PBLD: variants seen among roughly 807,000 people sequenced by gnomAD.
The protein encoded by PBLD is phenazine biosynthesis like protein domain containing.
A neutral mutation model predicts 31.3 loss-of-function variants in PBLD; 26 were observed. That is an observed-to-expected ratio of 0.83 (90% CI 0.61 to 1.15). PBLD has a LOEUF of 1.15. Ranked by LOEUF, PBLD falls within the 50% of genes most tolerant of loss-of-function variation. The pLI is 0.00. For synonymous variants in PBLD, 114 were observed against 129.0 expected (o/e 0.88, Z 0.79); for missense variants, 307 against 351.7 (o/e 0.87, Z 1.02).
chr10:68,301,055 C>G (rs944400431), intron 2 of PBLD, among the ~76,000 whole-genome samples: 2 of 152,072 alleles, frequency 1.3e-5, no homozygotes, highest in African/African-American at 4.8e-5. Flanking sequence ...TGCCACCATA[C>G]CCGGCTGATT....
intron 2 of PBLD, among the ~76,000 whole-genome samples, chr10:68,297,940 C>G (rs1490731601): frequency 7.6e-6 from 1 of 131,182 alleles, no homozygotes; most frequent in African/African-American, 2.8e-5. Context: ...GACTCTGTCT[C>G]TGTAAAAAAA....
In PBLD at chr10:68,292,233, T is replaced by A; in HGVS notation, c.289A>T (p.Met97Leu). Residue 97 changes from methionine (M) to leucine (L), a missense_variant, in exon 5 of 10, where the codon ATG becomes TTG. By Grantham distance (15) the Met-to-Leu change is conservative. Transcript: ENST00000358769. The stretch of plus-strand genomic sequence containing the variant: ...GTGACAAACGTGAGCGTGCTATTCA[T>A]GTTTTCTGGCCAAAATAGGAATCAA... ...AAVLFHKIKN[M>L]NSTLTFVTLS... is the part of the protein sequence containing the mutation. The A allele has an allele frequency of 6.2e-7, 1 of 1,612,826 alleles. No individual in the cohort carries two copies. Among genetic ancestry groups the A allele is most frequent in the Non-Finnish European group, 8.5e-7 (1 of 1,179,704 alleles).
chr10:68,303,870 T>C (rs1303143583), intron 2 of PBLD, among the ~76,000 whole-genome samples: 1 of 152,202 alleles, frequency 6.6e-6, no homozygotes, highest in Non-Finnish European at 1.5e-5. Context: ...TGAGGTATTT[T>C]TACCTCATAA....
chr10:68,290,540 A>T (rs1430125452), intron 6 of PBLD, among the ~76,000 whole-genome samples: 2 of 152,054 alleles, frequency 1.3e-5, no homozygotes, highest in Non-Finnish European at 2.9e-5. Flanking sequence ...CAACATGGAG[A>T]CACCCCGTCT....
At chr10:68,305,659 G>A (rs2044567273) in intron 2 of PBLD, among the ~76,000 whole-genome samples, 1 of 152,042 alleles carries the variant, frequency 6.6e-6, no homozygotes, top group Non-Finnish European at 1.5e-5. Flanking sequence ...GGAGATTAAG[G>A]CAAGAGAATC....
chr10:68,313,481 T>C (rs189367478), intron 1 of PBLD, among the ~76,000 whole-genome samples: 80 of 152,328 alleles, frequency 5.3e-4, no homozygotes, highest in African/African-American at 1.9e-3. Flanking sequence ...TTATGCATAC[T>C]TCCCGGATGT....
chr10:68,310,770 T>G (rs1368415482), intron 1 of PBLD, among the ~76,000 whole-genome samples: 1 of 150,402 alleles, frequency 6.6e-6, no homozygotes, highest in African/African-American at 2.5e-5. Flanking sequence ...TTGATGCAAA[T>G]GATGGGAATT....
At chr10:68,293,061 A>G (rs1028445882) in intron 4 of PBLD, among the ~76,000 whole-genome samples, 1 of 152,042 alleles carries the variant, frequency 6.6e-6, no homozygotes, top group Admixed American at 6.6e-5. Context: ...GGGTCTCACT[A>G]TGTTGCTCAG....
At chr10:68,287,789 G>A (rs997434372) in intron 8 of PBLD, 3 of 152,386 alleles carry the variant, frequency 2.0e-5, no homozygotes, top group East Asian at 1.9e-4. Context: ...GCTAGGCGCA[G>A]TGGCTCATGC....
rs944012885 is a variant in PBLD, at chr10:68,291,615, C to T, written c.423+395G>A. On this transcript the variant is annotated intron_variant, in intron 6 of 9. Coordinates refer to ENST00000358769, the MANE Select transcript of PBLD (RefSeq NM_022129.4). ...ACACCTGAACTTGCACAGCCATGCTCGGGGCCCATTCCTCTCCTTCTAGCT... is the reference window on the plus strand; with the variant it reads ...ACACCTGAACTTGCACAGCCATGCTTGGGGCCCATTCCTCTCCTTCTAGCT... Among the ~76,000 whole-genome samples, 6 of 152,286 alleles carry T rather than the reference C, an allele frequency of 3.9e-5. No homozygotes were observed. The South Asian group carries it at 6.2e-4, about 16-fold the overall frequency.
In PBLD at chr10:68,289,027, G is replaced by A. The variant is rs1414832367; in HGVS notation, c.424-8C>T. 2.5e-6 allele frequency: 4 copies of A among 1,611,370 alleles called. No homozygotes were observed. Among genetic ancestry groups the A allele is most frequent in the Admixed American group, 1.7e-5 (1 of 59,962 alleles). ...TGTGTTGCCTATGGCAGTCTGTGGA[G>A]ACAGACCAAAAACTCCTCAGGGACA... On this transcript the variant is annotated splice_polypyrimidine_tract_variant and splice_region_variant and intron_variant, in intron 6 of 9. Transcript: ENST00000358769.
intron 4 of PBLD, among the ~76,000 whole-genome samples, chr10:68,293,875 TG>T (rs2044391254): frequency 1.5e-5 from 1 of 67,180 alleles, no homozygotes; most frequent in East Asian, 3.5e-4. Context: ...CTTGGGAGGC[TG>T]AGGCAGGAAA....
At chr10:68,294,098 C>T (rs770526293) in intron 4 of PBLD, among the ~76,000 whole-genome samples, 14 of 152,332 alleles carry the variant, frequency 9.2e-5, no homozygotes, top group African/African-American at 3.4e-4. Flanking sequence ...CCCCTATCCA[C>T]AGATACCAAA....
At chr10:68,316,641 A>T (rs1374731786) in intron 1 of PBLD, among the ~76,000 whole-genome samples, 2 of 152,232 alleles carry the variant, frequency 1.3e-5, no homozygotes, top group Admixed American at 6.5e-5. Flanking sequence ...GCAAAGAAAC[A>T]CAGCAAACTC....
At chr10:68,300,929 G>A (rs887521922) in intron 2 of PBLD, among the ~76,000 whole-genome samples, 28 of 151,956 alleles carry the variant, frequency 1.8e-4, no homozygotes, top group Admixed American at 1.2e-3. Context: ...ACGGAATCTC[G>A]CTCTGTCACC....
At position 68,306,868 on chromosome 10, in the gene PBLD, A is replaced by G; in HGVS notation, c.-24T>C. On this transcript the variant is annotated 5_prime_UTR_variant, in exon 2 of 10. Coordinates refer to ENST00000358769, the MANE Select transcript of PBLD (RefSeq NM_022129.4). ...ATTTTCCTTGCAAGCTGTTTTTGCAAGTTCTCAAAATTGCTGGTAGCCTGC... is the reference window on the plus strand; with the variant it reads ...ATTTTCCTTGCAAGCTGTTTTTGCAGGTTCTCAAAATTGCTGGTAGCCTGC... 3 of 1,588,932 alleles carry G rather than the reference A, an allele frequency of 1.9e-6. No individual in the cohort carries two copies. The highest frequency in any genetic ancestry group is 2.6e-6 in the Non-Finnish European group (3 of 1,160,850).
intron 1 of PBLD, among the ~76,000 whole-genome samples, chr10:68,313,193 G>C (rs945193699): frequency 6.6e-6 from 1 of 152,150 alleles, no homozygotes; most frequent in African/African-American, 2.4e-5. Flanking sequence ...AGGATTACAG[G>C]CTTGAGCCAA....
chr10:68,327,480 C>T (rs532327638), intron 1 of PBLD, among the ~76,000 whole-genome samples: 1 of 151,804 alleles, frequency 6.6e-6, no homozygotes, highest in South Asian at 2.1e-4. Context: ...GAGTTCAAGA[C>T]CAGCCTGATC....
intron 8 of PBLD, among the ~76,000 whole-genome samples, chr10:68,285,615 A>T (rs1168347987): frequency 6.6e-6 from 1 of 152,174 alleles, no homozygotes; most frequent in Admixed American, 6.5e-5. Context: ...AACTCGGCCA[A>T]ATTATGTATC....
Sources: gnomAD v4.1 joint callset for allele counts (sites outside exome capture counted in the v4.1 genomes callset) on GRCh38, gnomAD v4.1.1 for gene constraint, MANE v1.5 for transcripts, NCBI Gene and HGNC (gene_info 2026-07-23, HGNC 2026-07-21) for gene names.